Variants in LEPR observed in about 807,000 individuals in gnomAD.
LEPR encodes leptin receptor, also known as OB receptor.
LEPR carries 56 observed loss-of-function variants against 114.7 expected under a neutral mutation model. The observed-to-expected ratio is 0.49, with a 90% CI of 0.39 to 0.61. The LOEUF (loss-of-function observed/expected upper bound fraction) is 0.61. LEPR is among the 20% of genes least tolerant of loss of function. LEPR has a pLI of 0.00. For synonymous variants in LEPR, 443 were observed against 461.4 expected, an observed-to-expected ratio of 0.96 and a Z score of 0.51; for missense variants, 1,202 against 1,352.9, an observed-to-expected ratio of 0.89 and a Z score of 1.75.
intron 3 of LEPR, among the ~76,000 whole-genome samples, chr1:65,569,376 A>G (rs1374169546): frequency 6.6e-6 from 1 of 152,208 alleles, no homozygotes; most frequent in Non-Finnish European, 1.5e-5. Context: ...CTGAAAAAAC[A>G]ATTATGGAGA....
At chr1:65,435,762 T>G in intron 2 of LEPR, 1 of 982,582 alleles carries the variant, frequency 1.0e-6, no homozygotes, top group Non-Finnish European at 1.2e-6. Context: ...GCATAGTAAT[T>G]AGTTCACAAC....
intron 2 of LEPR, among the ~76,000 whole-genome samples, chr1:65,490,053 A>T (rs1228990220): frequency 1.3e-5 from 2 of 152,132 alleles, no homozygotes; most frequent in Non-Finnish European, 2.9e-5. Context: ...TCTTTCGGAA[A>T]TTCTCTTAAT....
At chr1:65,626,877 C>T (rs1208358242) in intron 19 of LEPR, among the ~76,000 whole-genome samples, 3 of 152,110 alleles carry the variant, frequency 2.0e-5, no homozygotes, top group Non-Finnish European at 2.9e-5. Flanking sequence ...TCAAGTGATC[C>T]ACCCACCTCA....
At chr1:65,616,357 T>C in intron 15 of LEPR, 133 bp downstream of exon 15, 1 of 966,954 alleles carries the variant, frequency 1.0e-6, no homozygotes, top group Non-Finnish European at 1.5e-6. Context: ...ACCTTTCATT[T>C]CCTTTGTCTG....
chr1:65,536,862 G>A (rs533516982), intron 2 of LEPR, among the ~76,000 whole-genome samples: 15 of 152,104 alleles, frequency 9.9e-5, no homozygotes, highest in African/African-American at 3.1e-4. Context: ...ATTTTGATGC[G>A]GCTTTTAACT....
chr1:65,636,561 G>A lies in LEPR; in HGVS notation c.3044G>A (p.Ser1015Asn). 2 of 1,614,038 alleles carry A rather than the reference G, an allele frequency of 1.2e-6. No individual in the cohort carries two copies. Among genetic ancestry groups the A allele is most frequent in the Non-Finnish European group, 1.7e-6 (2 of 1,179,988 alleles). ...AGTTCAGTCACCAAGTGCTTCTCTA[G>A]CAAAAATTCTCCGTTGAAGGATTCT... Reference protein sequence around the residue: ...INSSVTKCFSSKNSPLKDSFS... With the variant: ...INSSVTKCFSNKNSPLKDSFS... Residue 1015 changes from serine to asparagine, a missense_variant, in exon 20 of 20, where the codon AGC becomes AAC. Physicochemically the swap from Ser to Asn is conservative, Grantham distance 46. Transcript: ENST00000349533.
intron 3 of LEPR, among the ~76,000 whole-genome samples, chr1:65,569,347 G>A (rs1265359994): frequency 6.6e-6 from 1 of 152,086 alleles, no homozygotes; most frequent in East Asian, 1.9e-4. Context: ...CACAATTGTT[G>A]CATCATTTGG....
At chr1:65,473,957 C>T (rs1406407462) in intron 2 of LEPR, among the ~76,000 whole-genome samples, 3 of 152,168 alleles carry the variant, frequency 2.0e-5, no homozygotes, top group South Asian at 2.1e-4. Flanking sequence ...TTGGTTCTCT[C>T]ATTAAATATA....
chr1:65,593,827 A>G (rs1399736381), intron 6 of LEPR, among the ~76,000 whole-genome samples: 1 of 151,926 alleles, frequency 6.6e-6, no homozygotes, highest in South Asian at 2.1e-4. Context: ...AAGTTATACC[A>G]TAGAGAAAAA....
chr1:65,579,930 T>C (rs926693220), intron 5 of LEPR, among the ~76,000 whole-genome samples: 4 of 152,198 alleles, frequency 2.6e-5, no homozygotes, highest in African/African-American at 9.6e-5. Context: ...TTCTAAACAA[T>C]AGGACCCAGA....
chr1:65,486,326 A>G (rs1647483344), intron 2 of LEPR: 1 of 152,070 alleles, frequency 6.6e-6, no homozygotes, highest in Non-Finnish European at 1.5e-5. Flanking sequence ...CTGTGTAGGA[A>G]ATATAGTTGG....
At chr1:65,467,536 C>G (rs1349631532) in intron 2 of LEPR, among the ~76,000 whole-genome samples, 1 of 152,196 alleles carries the variant, frequency 6.6e-6, no homozygotes, top group Non-Finnish European at 1.5e-5. Flanking sequence ...AGAGCTTGAA[C>G]ACAATGCTGA....
chr1:65,579,756 T>G (rs892376324), intron 5 of LEPR, among the ~76,000 whole-genome samples: 5 of 152,164 alleles, frequency 3.3e-5, no homozygotes, highest in African/African-American at 1.2e-4. Context: ...AATTCTATTA[T>G]GTATATATTA....
Position 65,598,041 on chromosome 1 carries a change from A to G in LEPR, c.850-619A>G, listed in dbSNP as rs566912633. Among the ~76,000 whole-genome samples, 20 of 149,814 alleles carry G rather than the reference A, an allele frequency of 1.3e-4. No homozygotes were observed. The South Asian group carries it at 4.2e-3, about 32-fold the overall frequency. Reference sequence around the variant, plus strand: ...CCAGAGAATTTATTAACTTTGGAGTACATTTTTGGGAAGCTGAATTTTGAT... The same window carrying G: ...CCAGAGAATTTATTAACTTTGGAGTGCATTTTTGGGAAGCTGAATTTTGAT... On this transcript the variant is annotated intron_variant, in intron 7 of 19. Coordinates refer to ENST00000349533, the MANE Select transcript of LEPR (RefSeq NM_002303.6).
At chr1:65,636,085 T>A (rs1390604819) in intron 19 of LEPR, 106 bp from the exon 20 acceptor site, 1 of 1,303,108 alleles carries the variant, frequency 7.7e-7, no homozygotes, top group African/African-American at 1.5e-5. Context: ...GTGGTTGACT[T>A]ATGTTCTTTA....
chr1:65,519,381 C>A (rs920083675), intron 2 of LEPR, among the ~76,000 whole-genome samples: 1 of 151,976 alleles, frequency 6.6e-6, no homozygotes, highest in Non-Finnish European at 1.5e-5. Flanking sequence ...AACCCCTGGG[C>A]TCAAGTGATC....
chr1:65,421,607 G>A, intron 1 of LEPR: 4 of 883,490 alleles, frequency 4.5e-6, no homozygotes. Flanking sequence ...ATACGAGTAC[G>A]CCTCTGTTCA....
At chr1:65,499,559 G>A (rs1001988993) in intron 2 of LEPR, among the ~76,000 whole-genome samples, 1 of 152,094 alleles carries the variant, frequency 6.6e-6, no homozygotes, top group East Asian at 1.9e-4. Flanking sequence ...GCCTTCACGA[G>A]TATACAATTA....
intron 6 of LEPR, 62 bp downstream of exon 6, chr1:65,592,927 A>C: frequency 6.4e-7 from 1 of 1,564,854 alleles, no homozygotes; most frequent in Non-Finnish European, 8.7e-7. Context: ...AAAGGTTAAA[A>C]ATTGCTTACA....
Sources: gnomAD v4.1 joint callset for allele counts (sites outside exome capture counted in the v4.1 genomes callset) on GRCh38, gnomAD v4.1.1 for gene constraint, MANE v1.5 for transcripts, NCBI Gene and HGNC (gene_info 2026-07-23, HGNC 2026-07-21) for gene names.